The following GATAD2B variants were observed in gnomAD, a reference collection of about 807,000 sequenced individuals.
The protein encoded by GATAD2B is GATA zinc finger domain containing 2B.
GATAD2B carries 8 observed loss-of-function variants against 64.3 expected under a neutral mutation model. The observed-to-expected ratio is 0.12, with a 90% CI of 0.07 to 0.22. GATAD2B has a LOEUF of 0.22. GATAD2B is among the 10% of genes least tolerant of loss of function. The probability of loss-of-function intolerance (pLI) is 1.00; values close to 1 mark genes in which losing one functional copy is unlikely to be tolerated. For synonymous variants in GATAD2B, 281 were observed against 271.3 expected, an observed-to-expected ratio of 1.04 and a Z score of -0.35; for missense variants, 453 against 752.0, an observed-to-expected ratio of 0.60 and a Z score of 4.65.
At chr1:153,879,097 G>A (rs896593688) in intron 1 of GATAD2B, among the ~76,000 whole-genome samples, 9 of 151,964 alleles carry the variant, frequency 5.9e-5, no homozygotes, top group East Asian at 3.9e-4. Context: ...AAGCCACCAC[G>A]CCCGGCTAAT....
chr1:153,853,063 C>A lies in GATAD2B; in HGVS notation c.-1-24715G>T, dbSNP rs930779677. 25 of 1,511,160 alleles carry A rather than the reference C, an allele frequency of 1.7e-5. No individual in the cohort carries two copies. The African/African-American group carries it at 3.0e-4, about 18-fold the overall frequency. The allele number at this position is 1,511,160 out of a possible 1,614,324, so 93.6% of individuals were successfully genotyped here. ...CCAGTCACAGTAGTCGTCACAGCAT[C>A]TTTTGCCCCAGTCACAGCACCTTTG... On this transcript the variant is annotated intron_variant, in intron 1 of 10. Transcript: ENST00000368655.
intron 1 of GATAD2B, among the ~76,000 whole-genome samples, chr1:153,916,518 A>G (rs1337029123): frequency 6.6e-6 from 1 of 152,186 alleles, no homozygotes; most frequent in East Asian, 1.9e-4. Flanking sequence ...GAGTTTGAGT[A>G]CCAACTTGAT....
chr1:153,822,829 T>C (rs1201604934), intron 2 of GATAD2B, among the ~76,000 whole-genome samples: 1 of 152,160 alleles, frequency 6.6e-6, no homozygotes, highest in Admixed American at 6.5e-5. Flanking sequence ...CTTTTGTTTT[T>C]TGAGACAGGG....
chr1:153,894,784 C>T (rs1265762889), intron 1 of GATAD2B, among the ~76,000 whole-genome samples: 1 of 152,062 alleles, frequency 6.6e-6, no homozygotes, highest in Non-Finnish European at 1.5e-5. Flanking sequence ...ATCGCTTGAA[C>T]CCGAGAGGCA....
At chr1:153,834,234 G>A (rs1675187825) in intron 1 of GATAD2B, among the ~76,000 whole-genome samples, 1 of 151,588 alleles carries the variant, frequency 6.6e-6, no homozygotes, top group African/African-American at 2.4e-5. Flanking sequence ...TCGAACTCCT[G>A]ACCTCGTGAT....
At chr1:153,915,953 CT>C (rs1482345579) in intron 1 of GATAD2B, among the ~76,000 whole-genome samples, 2 of 152,030 alleles carry the variant, frequency 1.3e-5, no homozygotes, top group Non-Finnish European at 2.9e-5. Context: ...AAGTGTTAGA[CT>C]ATTTTGAAGG....
chr1:153,868,398 G>C (rs1340519637), intron 1 of GATAD2B, among the ~76,000 whole-genome samples: 1 of 147,740 alleles, frequency 6.8e-6, no homozygotes, highest in Non-Finnish European at 1.5e-5. Context: ...CAGACAGCTG[G>C]ATTCTCATAG....
At chr1:153,920,794 T>C (rs1678406943) in intron 1 of GATAD2B, among the ~76,000 whole-genome samples, 1 of 152,214 alleles carries the variant, frequency 6.6e-6, no homozygotes, top group Admixed American at 6.5e-5. Flanking sequence ...TCCTGCTGAT[T>C]AGTACTTTTC....
intron 5 of GATAD2B, 120 bp downstream of exon 5, chr1:153,817,918 AAT>A: frequency 2.5e-6 from 2 of 794,472 alleles, no homozygotes; most frequent in East Asian, 5.6e-5. Flanking sequence ...CCAACAGAAC[AAT>A]CAGTAGTAAT....
intron 5 of GATAD2B, 38 bp from the exon 6 acceptor site, chr1:153,817,580 T>G (rs1026472005): frequency 1.2e-4 from 183 of 1,483,756 alleles, no homozygotes; most frequent in Middle Eastern, 1.8e-4. Flanking sequence ...AATCACAGGT[T>G]GTACGCTGTG....
At chr1:153,903,570 T>G (rs1377319637) in intron 1 of GATAD2B, among the ~76,000 whole-genome samples, 1 of 152,112 alleles carries the variant, frequency 6.6e-6, no homozygotes. Flanking sequence ...ATAATAGCGA[T>G]GAAAATCATT....
intron 7 of GATAD2B, among the ~76,000 whole-genome samples, chr1:153,814,675 G>A (rs1674393479): frequency 6.6e-6 from 1 of 152,068 alleles, no homozygotes; most frequent in Non-Finnish European, 1.5e-5. Context: ...TTTGGAAGCT[G>A]AGACAAAAGA....
intron 1 of GATAD2B, among the ~76,000 whole-genome samples, chr1:153,832,145 G>A (rs1326400687): frequency 6.6e-6 from 1 of 152,082 alleles, no homozygotes. Flanking sequence ...AACCCGGGAG[G>A]CAGAGGTTTC....
At chr1:153,896,608 G>T (rs370571555) in intron 1 of GATAD2B, among the ~76,000 whole-genome samples, 4 of 151,862 alleles carry the variant, frequency 2.6e-5, no homozygotes, top group South Asian at 4.2e-4. Flanking sequence ...AGCTAATTTT[G>T]TATTTTTAGT....
rs1434302199 is a variant in GATAD2B at position 153,808,031 on chromosome 1, G to A, written c.*2146C>T. 6.6e-6 allele frequency: 1 copy of A among 152,296 alleles called. No homozygotes were observed. The allele number at this position is 152,296 out of a possible 1,614,324, so 9.4% of individuals were successfully genotyped here. ...TTATCCAGTGCTTTCAAAGCACAGA[G>A]GGCAAAGAAAAGATGTAAGAATATA... On this transcript the variant is annotated 3_prime_UTR_variant, in exon 11 of 11. Transcript: ENST00000368655.
intron 2 of GATAD2B, among the ~76,000 whole-genome samples, chr1:153,826,031 T>G (rs1674863331): frequency 6.6e-6 from 1 of 150,788 alleles, no homozygotes; most frequent in Non-Finnish European, 1.5e-5. Context: ...TCAGACGAAG[T>G]CTCGCTCTGT....
intron 1 of GATAD2B, among the ~76,000 whole-genome samples, chr1:153,855,027 G>A (rs540427888): frequency 2.0e-5 from 3 of 152,144 alleles, no homozygotes; most frequent in East Asian, 3.8e-4. Context: ...CAAATATAAT[G>A]TATAATCTTT....
intron 2 of GATAD2B, 84 bp from the exon 3 acceptor site, chr1:153,819,819 C>G (rs1176551610): frequency 7.9e-7 from 1 of 1,271,216 alleles, no homozygotes. Flanking sequence ...CCAAGGGGGG[C>G]CGGGTGCGGT....
At position 153,909,716 on chromosome 1, in the gene GATAD2B, G is replaced by C. The variant is rs182832051; in HGVS notation, c.-2+13017C>G. On this transcript the variant is annotated intron_variant, in intron 1 of 10. Coordinates refer to ENST00000368655, the MANE Select transcript of GATAD2B (RefSeq NM_020699.4). ...GGGAGACTGAGGGGGCGGGGGGGCAGATCACAAGGTCAGGAGTTCGAGACC... is the reference window on the plus strand; with the variant it reads ...GGGAGACTGAGGGGGCGGGGGGGCACATCACAAGGTCAGGAGTTCGAGACC... Among the ~76,000 whole-genome samples, 11 of 149,098 alleles carry C rather than the reference G, an allele frequency of 7.4e-5. No homozygotes were observed. In the East Asian group the frequency reaches 2.0e-3, roughly 27 times the overall value.
Sources: gnomAD v4.1 joint callset for allele counts (sites outside exome capture counted in the v4.1 genomes callset) on GRCh38, gnomAD v4.1.1 for gene constraint, MANE v1.5 for transcripts, NCBI Gene and HGNC (gene_info 2026-07-23, HGNC 2026-07-21) for gene names.